The following ST7 variants were observed in gnomAD, a reference collection of about 807,000 sequenced individuals.
ST7 encodes the protein suppression of tumorigenicity 7, also known as suppressor of tumorigenicity 7 protein.
ST7 carries 28 observed loss-of-function variants against 78.7 expected under a neutral mutation model. The observed-to-expected ratio is 0.36, with a 90% CI of 0.26 to 0.49. The LOEUF (loss-of-function observed/expected upper bound fraction) is 0.49, where lower values mean the gene tolerates loss of function less well. Ranked by LOEUF, ST7 falls within the 20% of genes least tolerant of loss-of-function variation. ST7 has a pLI of 0.99. For synonymous variants in ST7, 247 were observed against 249.6 expected (o/e 0.99, Z 0.10); for missense variants, 418 against 696.0 (o/e 0.60, Z 4.49).
chr7:116,966,428 T>G (rs1485156327), intron 1 of ST7, among the ~76,000 whole-genome samples: 15 of 152,042 alleles, frequency 9.9e-5, no homozygotes, highest in Non-Finnish European at 1.8e-4. Flanking sequence ...TTTTTTTATT[T>G]TTAGTAGAGA....
chr7:116,960,736 G>A (rs1483897741), intron 1 of ST7, among the ~76,000 whole-genome samples: 1 of 152,138 alleles, frequency 6.6e-6, no homozygotes, highest in Non-Finnish European at 1.5e-5. Flanking sequence ...TTTGTCAGAT[G>A]CAAAGTTTCC....
At chr7:117,215,944 C>T (rs1206495579) in intron 13 of ST7, among the ~76,000 whole-genome samples, 2 of 151,908 alleles carry the variant, frequency 1.3e-5, no homozygotes, top group African/African-American at 4.8e-5. Context: ...ATCTAAGATA[C>T]TCTAAGATTG....
intron 1 of ST7, among the ~76,000 whole-genome samples, chr7:116,973,198 A>C (rs1793522295): frequency 6.6e-6 from 1 of 151,584 alleles, no homozygotes; most frequent in Non-Finnish European, 1.5e-5. Flanking sequence ...CTTACTTTTT[A>C]GCACTACAAG....
At chr7:117,224,540 TTA>T (rs1431558591) in intron 15 of ST7, among the ~76,000 whole-genome samples, 1 of 152,214 alleles carries the variant, frequency 6.6e-6, no homozygotes, top group Non-Finnish European at 1.5e-5. Context: ...TATTGCTCTT[TTA>T]TGTTTTCTGT....
At chr7:117,103,675 A>T (rs1801738594) in intron 2 of ST7, among the ~76,000 whole-genome samples, 1 of 152,226 alleles carries the variant, frequency 6.6e-6, no homozygotes, top group African/African-American at 2.4e-5. Flanking sequence ...AATGCTCCAG[A>T]ACATTAGTCT....
At chr7:116,998,058 C>T (rs547350937) in intron 1 of ST7, among the ~76,000 whole-genome samples, 17 of 152,178 alleles carry the variant, frequency 1.1e-4, no homozygotes, top group Admixed American at 5.9e-4. Context: ...CGGTGCTTGT[C>T]GGGGATGCTC....
In ST7 at chr7:117,153,297, C is replaced by T. The variant is rs539046413; in HGVS notation, c.963+14765C>T. Among the ~76,000 whole-genome samples the T allele has an allele frequency of 5.7e-4, 87 of 152,106 alleles. 1 individual carries two copies. The highest frequency in any genetic ancestry group is 6.8e-3 in the Middle Eastern group (2 of 294). On this transcript the variant is annotated intron_variant, in intron 9 of 15. Transcript: ENST00000323984. ...TAGATCTGCTAAACCTATGGGTCAT[C>T]CAAATGGAAATATTTAGAAGACAGT...
intron 1 of ST7, chr7:117,076,554 T>A (rs1367384627): frequency 6.6e-6 from 1 of 152,202 alleles, no homozygotes; most frequent in Non-Finnish European, 1.5e-5. Context: ...GGAACTGGAG[T>A]GCATGAGCGC....
At chr7:117,164,315 C>G (rs1200699492) in intron 9 of ST7, among the ~76,000 whole-genome samples, 1 of 152,020 alleles carries the variant, frequency 6.6e-6, no homozygotes, top group African/African-American at 2.4e-5. Flanking sequence ...AAAACTAGAC[C>G]CCCCCACCTC....
chr7:117,107,691 G>A (rs1802091727), intron 2 of ST7, among the ~76,000 whole-genome samples: 1 of 133,928 alleles, frequency 7.5e-6, no homozygotes. Flanking sequence ...TCGGCTCACT[G>A]CAACCTCTGC....
chr7:117,072,836 GTCACT>G (rs1799064310), intron 1 of ST7: 1 of 152,230 alleles, frequency 6.6e-6, no homozygotes, highest in African/African-American at 2.4e-5. Flanking sequence ...AAGTGACGCA[GTCACT>G]TCAGCTTGTC....
intron 1 of ST7, among the ~76,000 whole-genome samples, chr7:116,964,731 C>T (rs919561661): frequency 2.0e-5 from 3 of 152,020 alleles, no homozygotes; most frequent in Non-Finnish European, 2.9e-5. Context: ...AAATTGTACC[C>T]TTACATTTGA....
At chr7:117,211,388 C>T (rs1212851418) in intron 13 of ST7, among the ~76,000 whole-genome samples, 4 of 152,150 alleles carry the variant, frequency 2.6e-5, no homozygotes. Flanking sequence ...GCTTGTGCTT[C>T]CTGTTGTATG....
intron 1 of ST7, among the ~76,000 whole-genome samples, chr7:116,981,558 G>A (rs1470674175): frequency 6.6e-6 from 1 of 152,116 alleles, no homozygotes; most frequent in Non-Finnish European, 1.5e-5. Flanking sequence ...TGACTAAGAT[G>A]GTGTCTGTGA....
intron 10 of ST7, among the ~76,000 whole-genome samples, chr7:117,175,069 A>T (rs1177257853): frequency 6.6e-6 from 1 of 152,210 alleles, no homozygotes; most frequent in Non-Finnish European, 1.5e-5. Flanking sequence ...AACTGAGTGT[A>T]TCTATATTTG....
chr7:117,200,226 G>C (rs1810690353), intron 12 of ST7, among the ~76,000 whole-genome samples: 1 of 152,174 alleles, frequency 6.6e-6, no homozygotes, highest in African/African-American at 2.4e-5. Context: ...ATGTAGGCCT[G>C]CTCTGGTTGA....
intron 12 of ST7, among the ~76,000 whole-genome samples, chr7:117,198,891 G>A (rs932683714): frequency 6.6e-6 from 1 of 151,994 alleles, no homozygotes. Context: ...ATATTTCCCT[G>A]TCTGAGTAAT....
intron 2 of ST7, among the ~76,000 whole-genome samples, chr7:117,114,230 A>G (rs745544246): frequency 6.9e-6 from 1 of 145,586 alleles, no homozygotes; most frequent in Non-Finnish European, 1.5e-5. Context: ...CCAAGAATGT[A>G]AAAAAAAAAA....
At chr7:117,080,325 G>T (rs918690308) in intron 1 of ST7, among the ~76,000 whole-genome samples, 1 of 152,096 alleles carries the variant, frequency 6.6e-6, no homozygotes, top group African/African-American at 2.4e-5. Flanking sequence ...TTAAACAAAA[G>T]ATGTCAAACT....
Sources: allele counts gnomAD v4.1 joint callset (sites outside exome capture counted in the v4.1 genomes callset), GRCh38; gene constraint gnomAD v4.1.1; transcripts MANE v1.5; gene names NCBI Gene and HGNC (gene_info 2026-07-23, HGNC 2026-07-21).